The following AEBP2 variants were observed in gnomAD, a reference collection of about 807,000 sequenced individuals.
The protein encoded by AEBP2 is zinc finger protein AEBP2.
AEBP2 carries 10 observed loss-of-function variants against 50.8 expected under a neutral mutation model. The ratio of observed to expected loss-of-function variants is 0.20; its 90% confidence interval spans 0.12 to 0.33. The LOEUF is 0.33. AEBP2 is among the 10% of genes least tolerant of loss of function. AEBP2 has a pLI of 1.00. For missense variants in AEBP2, 570 were observed against 688.0 expected, an observed-to-expected ratio of 0.83 and a Z score of 1.92; for synonymous variants, 296 against 261.3, an observed-to-expected ratio of 1.13 and a Z score of -1.28.
At chr12:19,503,768 C>T (rs1949116651) in intron 5 of AEBP2, among the ~76,000 whole-genome samples, 1 of 151,716 alleles carries the variant, frequency 6.6e-6, no homozygotes, top group South Asian at 2.1e-4. Flanking sequence ...AAGCAGTCCT[C>T]CTGTCCTAGC....
chr12:19,454,665 C>T (rs573708226), intron 1 of AEBP2, among the ~76,000 whole-genome samples: 39 of 152,206 alleles, frequency 2.6e-4, no homozygotes, highest in African/African-American at 9.4e-4. Flanking sequence ...TGTCCTCTAC[C>T]TTCCTTTAAA....
chr12:19,428,227 C>T (rs2095749565), intron 1 of AEBP2, among the ~76,000 whole-genome samples: 1 of 152,138 alleles, frequency 6.6e-6, no homozygotes, highest in African/African-American at 2.4e-5. Context: ...AAAACCAAGA[C>T]CCTGTCTCAA....
intron 4 of AEBP2, among the ~76,000 whole-genome samples, chr12:19,496,127 A>G (rs959053402): frequency 6.6e-6 from 1 of 152,106 alleles, no homozygotes; most frequent in Non-Finnish European, 1.5e-5. Context: ...TTTTCACATT[A>G]TATACTTGGA....
At chr12:19,468,367 C>G (rs972636013) in intron 2 of AEBP2, among the ~76,000 whole-genome samples, 3 of 152,036 alleles carry the variant, frequency 2.0e-5, no homozygotes, top group African/African-American at 7.3e-5. Context: ...ATCATTTACT[C>G]AGTATAATTA....
chr12:19,440,008 C>CGAG lies in AEBP2; in HGVS notation c.318_320dup (p.Glu107dup), dbSNP rs1316377401. The CGAG allele has an allele frequency of 4.5e-5, 69 of 1,520,148 alleles. No homozygotes were observed. The highest frequency in any genetic ancestry group is 1.1e-4 in the South Asian group (9 of 83,152). 94.2% of individuals were successfully genotyped at this position (1,520,148 alleles called of 1,614,324 possible). ...AGGACGAAGACGAGGAGGAGGACGA[C>CGAG]GAGGAGGAGGAAGATGAGAGCAGCA... On this transcript the variant is annotated inframe_insertion, in exon 1 of 8. Coordinates refer to ENST00000266508, the MANE Select transcript of AEBP2 (RefSeq NM_153207.5).
rs778524937 is a variant in AEBP2, at chr12:19,514,781, A to G, written c.1478A>G (p.Tyr493Cys). The G allele has an allele frequency of 6.3e-7, 1 of 1,598,960 alleles. No individual in the cohort carries two copies. The highest frequency in any genetic ancestry group is 8.5e-7 in the Non-Finnish European group (1 of 1,171,644). ...GCCTTGCTTTTGGACCCAAACATAT[A>G]CAGGTAATTTAATTCTTGCCTTTAT... ...DTALLLDPNIYRTMPQKRLKR is the reference protein window; with the variant it reads ...DTALLLDPNICRTMPQKRLKR Residue 493 changes from tyrosine to cysteine, a missense_variant, in exon 7 of 8, where the codon TAC (tyrosine) becomes TGC (cysteine). Physicochemically the swap from Tyr to Cys is radical, Grantham distance 194. Transcript: ENST00000266508.
intron 1 of AEBP2, among the ~76,000 whole-genome samples, chr12:19,450,969 A>G (rs769992485): frequency 1.5e-5 from 2 of 134,766 alleles, no homozygotes; most frequent in African/African-American, 5.8e-5. Flanking sequence ...TCTCCTTTGA[A>G]TATATAGTAG....
intron 3 of AEBP2, among the ~76,000 whole-genome samples, chr12:19,489,159 G>A (rs543095050): frequency 3.9e-4 from 59 of 152,222 alleles, no homozygotes; most frequent in African/African-American, 1.3e-3. Flanking sequence ...GTATTAGTCC[G>A]TTTTTCACAC....
In AEBP2 at chr12:19,442,306, G is replaced by C. The variant is rs184083182; in HGVS notation, c.671+1936G>C. Among the ~76,000 whole-genome samples the C allele has an allele frequency of 2.6e-3, 396 of 152,282 alleles. 1 individual carries two copies. The highest frequency in any genetic ancestry group is 9.0e-3 in the African/African-American group (376 of 41,548). ...GCCTGTGTTCCCAGCTACTCGGGAG[G>C]CTGAGGCAGGAGAATCGCTTGAACC... On this transcript the variant is annotated intron_variant, in intron 1 of 7. Transcript: ENST00000266508.
intron 5 of AEBP2, chr12:19,508,928 C>A: frequency 2.4e-6 from 1 of 411,694 alleles, no homozygotes; most frequent in South Asian, 2.6e-5. Flanking sequence ...GACATACTGT[C>A]GTAGGCTTTT....
intron 1 of AEBP2, among the ~76,000 whole-genome samples, chr12:19,417,284 T>C (rs1014061972): frequency 2.6e-5 from 4 of 152,218 alleles, no homozygotes; most frequent in African/African-American, 9.6e-5. Context: ...GCCGTACAAC[T>C]TTCTTTTCTT....
chr12:19,454,019 G>C (rs1356636405), intron 1 of AEBP2, among the ~76,000 whole-genome samples: 1 of 152,032 alleles, frequency 6.6e-6, no homozygotes, highest in Non-Finnish European at 1.5e-5. Flanking sequence ...CTGATTTGGA[G>C]ATATGGACAG....
intron 1 of AEBP2, among the ~76,000 whole-genome samples, chr12:19,441,599 A>G (rs890286438): frequency 6.6e-6 from 1 of 152,256 alleles, no homozygotes; most frequent in Non-Finnish European, 1.5e-5. Context: ...TGCTACAAGT[A>G]ATACAGAGTC....
intron 1 of AEBP2, among the ~76,000 whole-genome samples, chr12:19,444,683 T>C (rs1313109646): frequency 6.6e-6 from 1 of 152,280 alleles, no homozygotes; most frequent in African/African-American, 2.4e-5. Context: ...AAATAATTTC[T>C]GTTAAAGAGC....
At chr12:19,441,410 A>G (rs973024743) in intron 1 of AEBP2, among the ~76,000 whole-genome samples, 1 of 152,214 alleles carries the variant, frequency 6.6e-6, no homozygotes, top group South Asian at 2.1e-4. Context: ...TCTAAAGTGT[A>G]TTAGCGTTTA....
At chr12:19,489,669 C>T (rs977464925) in intron 3 of AEBP2, among the ~76,000 whole-genome samples, 4 of 152,126 alleles carry the variant, frequency 2.6e-5, no homozygotes, top group Non-Finnish European at 2.9e-5. Context: ...ATGAAATGCT[C>T]ATGTAAAGAG....
chr12:19,468,599 T>C (rs887759014), intron 2 of AEBP2, among the ~76,000 whole-genome samples: 1 of 152,232 alleles, frequency 6.6e-6, no homozygotes, highest in Non-Finnish European at 1.5e-5. Context: ...CATTTATCTA[T>C]ATTATCATAC....
intron 1 of AEBP2, among the ~76,000 whole-genome samples, chr12:19,424,312 C>G (rs1565697355): frequency 6.6e-6 from 1 of 152,038 alleles, no homozygotes; most frequent in African/African-American, 2.4e-5. Context: ...GTACAGAGGA[C>G]AGTGTTGAAC....
At chr12:19,427,305 G>A (rs1329268299) in intron 1 of AEBP2, among the ~76,000 whole-genome samples, 3 of 151,192 alleles carry the variant, frequency 2.0e-5, no homozygotes, top group Admixed American at 6.6e-5. Flanking sequence ...TCTTGAACCC[G>A]GGAGGCAGAG....
Sources: allele counts gnomAD v4.1 joint callset (sites outside exome capture counted in the v4.1 genomes callset), GRCh38; gene constraint gnomAD v4.1.1; transcripts MANE v1.5; gene names NCBI Gene and HGNC (gene_info 2026-07-23, HGNC 2026-07-21).